NKX3-2: variants seen among roughly 807,000 people sequenced by gnomAD.
NKX3-2 encodes homeobox protein Nkx-3.2.
NKX3-2 carries 13 observed loss-of-function variants against 19.4 expected under a neutral mutation model. The ratio of observed to expected loss-of-function variants is 0.67; its 90% CI spans 0.44 to 1.07. NKX3-2 has a LOEUF of 1.07. Among genes scored for constraint, NKX3-2 ranks in the 50% least tolerant of loss-of-function variants. The pLI is 0.00. For missense variants in NKX3-2, 562 were observed against 488.2 expected (o/e 1.15, Z -1.42); for synonymous variants, 269 against 230.5 (o/e 1.17, Z -1.51).
chr4:13,545,944 G>C (rs1718123338), upstream of NKX3-2: 1 of 152,080 alleles, frequency 6.6e-6, no homozygotes, highest in Admixed American at 6.6e-5. Flanking sequence ...CAAATATTGT[G>C]GGTATATAAA....
At position 13,541,861 on chromosome 4, in the gene NKX3-2, G is replaced by GGGAGCT; in HGVS notation, c.*126_*131dup. 1 of 1,378,808 alleles carries GGGAGCT rather than the reference G, an allele frequency of 7.3e-7. No homozygotes were observed. Among genetic ancestry groups the GGGAGCT allele is most frequent in the Admixed American group, 2.2e-5 (1 of 44,614 alleles). 85.4% of individuals were successfully genotyped at this position (1,378,808 alleles called of 1,614,324 possible). A position where few individuals can be genotyped will look rare whatever the true frequency, so the allele number is the denominator to read the frequency against. On this transcript the variant is annotated 3_prime_UTR_variant, in exon 2 of 2. Coordinates refer to ENST00000382438, the MANE Select transcript of NKX3-2 (RefSeq NM_001189.4). Reference sequence around the variant, plus strand: ...TGCCAGGGGACAAGTCCTGGCTAACGGGAGCTGGAGCTGGGTTTCACCTCC... The same window carrying GGGAGCT: ...TGCCAGGGGACAAGTCCTGGCTAACGGGAGCTGGAGCTGGAGCTGGGTTTCACCTCC...
Position 13,543,784 on chromosome 4 carries a change from C to T in NKX3-2, c.466+165G>A, listed in dbSNP as rs1718047354. Among the ~76,000 whole-genome samples the T allele has an allele frequency of 6.6e-6, 1 of 152,226 alleles. No individual in the cohort carries two copies. On this transcript the variant is annotated intron_variant, in intron 1 of 1. Coordinates refer to ENST00000382438, the MANE Select transcript of NKX3-2 (RefSeq NM_001189.4). The surrounding 1 kb of genome is among the most constrained non-coding windows in gnomAD (Gnocchi z 7.1). ...ACTCCGGTCTCTCGCGGGCTCAGTTCCCGAAGTGATAGAGCAGCTCGCGCC... is the reference window on the plus strand; with the variant it reads ...ACTCCGGTCTCTCGCGGGCTCAGTTTCCGAAGTGATAGAGCAGCTCGCGCC...
chr4:13,542,591 G>A lies in NKX3-2; in HGVS notation c.467-63C>T. On this transcript the variant is annotated intron_variant, in intron 1 of 1. Coordinates refer to ENST00000382438, the MANE Select transcript of NKX3-2 (RefSeq NM_001189.4). The surrounding 1 kb of genome is among the most constrained non-coding windows in gnomAD (Gnocchi z 6.4). ...AGCGCCACAGACGAGGTGAGGCCGG[G>A]CCTCAACTGCAGGGGTCACGGGAGT... is the stretch of plus-strand genomic sequence containing the variant. The A allele has an allele frequency of 6.3e-7, 1 of 1,579,162 alleles. No individual in the cohort carries two copies. Among genetic ancestry groups the A allele is most frequent in the East Asian group, 2.2e-5 (1 of 44,738 alleles).
chr4:13,542,347 C>A lies in NKX3-2; in HGVS notation c.648G>T (p.Ala216=), dbSNP rs759178220. ...KKRSRAAFSH[A]QVFELERRFN... The stretch of plus-strand genomic sequence containing the variant: ...AGCGGCGCTCCAGCTCGAAGACCTG[C>A]GCGTGGGAGAAAGCGGCCCGCGAGC... Residue 216 remains alanine (A), a synonymous_variant, in exon 2 of 2, where the codon GCG becomes GCT. Coordinates refer to ENST00000382438, the MANE Select transcript of NKX3-2 (RefSeq NM_001189.4). The surrounding 1 kb of genome is among the most constrained non-coding windows in gnomAD (Gnocchi z 6.4). 5.2e-6 allele frequency: 8 copies of A among 1,550,386 alleles called. No homozygotes were observed. The highest frequency in any genetic ancestry group is 7.0e-6 in the Non-Finnish European group (8 of 1,149,688).
At position 13,543,690 on chromosome 4, in the gene NKX3-2, A is replaced by C. The variant is rs1189207245; in HGVS notation, c.466+259T>G. Among the ~76,000 whole-genome samples, 1 of 151,988 alleles carries C rather than the reference A, an allele frequency of 6.6e-6. No individual in the cohort carries two copies. The highest frequency in any genetic ancestry group is 1.5e-5 in the Non-Finnish European group (1 of 68,006). On this transcript the variant is annotated intron_variant, in intron 1 of 1. Coordinates refer to ENST00000382438, the MANE Select transcript of NKX3-2 (RefSeq NM_001189.4). This position sits in a 1 kb window ranked among gnomAD's most constrained non-coding sequence, Gnocchi z 7.1. ...AACGCAAGGGGCAGCGGTTCTCCCA[A>C]CCCAGTCTAATGCACATTGGCCCAG...
At chr4:13,546,894 C>T (rs1020923476), upstream of NKX3-2, 1 of 456,014 alleles carries the variant, frequency 2.2e-6, no homozygotes. Flanking sequence ...TGTGGTTTGG[C>T]GACTTTGAGT....
Position 13,543,948 on chromosome 4 carries a change from C to A in NKX3-2, c.466+1G>T. On this transcript the variant is annotated splice_donor_variant, in intron 1 of 1. Coordinates refer to ENST00000382438, the MANE Select transcript of NKX3-2 (RefSeq NM_001189.4). LOFTEE classifies it high-confidence loss of function. The surrounding 1 kb of genome is among the most constrained non-coding windows in gnomAD (Gnocchi z 7.1). ...CCCATCCCCGCGAAGCCGCAGCAGA[C>A]CTGAGACGCTGGCGGACATCTCGCT... 6.5e-7 allele frequency: 1 copy of A among 1,543,744 alleles called. No individual in the cohort carries two copies. The highest frequency in any genetic ancestry group is 8.7e-7 in the Non-Finnish European group (1 of 1,146,600).
At position 13,542,589 on chromosome 4, in the gene NKX3-2, G is replaced by A. The variant is rs530552205; in HGVS notation, c.467-61C>T. ...TCAGCGCCACAGACGAGGTGAGGCC[G>A]GGCCTCAACTGCAGGGGTCACGGGA... On this transcript the variant is annotated intron_variant, in intron 1 of 1. Transcript: ENST00000382438. The surrounding 1 kb of genome is among the most constrained non-coding windows in gnomAD (Gnocchi z 6.4). The A allele has an allele frequency of 2.5e-5, 40 of 1,569,436 alleles. No homozygotes were observed. In the East Asian group the frequency reaches 5.1e-4, roughly 20 times the overall value.
upstream of NKX3-2, chr4:13,544,545 C>A: frequency 2.1e-6 from 1 of 477,530 alleles, no homozygotes. Flanking sequence ...CCCACTGCTG[C>A]GCGGCCCAGC....
chr4:13,547,149 CTG>C, upstream of NKX3-2: 2 of 456,346 alleles, frequency 4.4e-6, no homozygotes, highest in Non-Finnish European at 8.8e-6. Flanking sequence ...GATGAAAAGA[CTG>C]TGGGGAAGGG....
Position 13,544,307 on chromosome 4 carries a change from G to T in NKX3-2, c.108C>A (p.Pro36=), listed in dbSNP as rs200291862. 1.0e-5 allele frequency: 16 copies of T among 1,530,176 alleles called. No individual in the cohort carries two copies. The highest frequency in any genetic ancestry group is 1.4e-5 in the Non-Finnish European group (16 of 1,146,268). The allele number at this position is 1,530,176 out of a possible 1,614,324, so 94.8% of individuals were successfully genotyped here. A position where few individuals can be genotyped will look rare whatever the true frequency, so the allele number is the denominator to read the frequency against. Residue 36 remains proline, a synonymous_variant, in exon 1 of 2, where the codon CCC becomes CCA. Coordinates refer to ENST00000382438, the MANE Select transcript of NKX3-2 (RefSeq NM_001189.4). The part of the protein sequence containing the change: ...GLAAPEGRPA[P]GGTAASVAAA... ...CGGCCACCGATGCCGCTGTGCCCCCGGGCGCCGGGCGCCCCTCTGGCGCGG... is the reference window on the plus strand; with the variant it reads ...CGGCCACCGATGCCGCTGTGCCCCCTGGCGCCGGGCGCCCCTCTGGCGCGG...
At chr4:13,545,426 AT>A (rs888282914), upstream of NKX3-2, among the ~76,000 whole-genome samples, 7 of 152,256 alleles carry the variant, frequency 4.6e-5, no homozygotes, top group African/African-American at 1.7e-4. Flanking sequence ...TCTAGGAAGG[AT>A]TATAAACACG....
chr4:13,542,057 T>TTA lies in NKX3-2; in HGVS notation c.937_938insTA (p.Tyr313LeufsTer42). ...CCAGCCTGGGAGGCAGTAGTACGGG[T>TTA]AATAGTAGGAGGGCTGCAGTGGCAG... is the stretch of plus-strand genomic sequence containing the variant. On this transcript the variant is annotated frameshift_variant, in exon 2 of 2. Transcript: ENST00000382438. LOFTEE classifies it high-confidence loss of function. The surrounding 1 kb of genome is among the most constrained non-coding windows in gnomAD (Gnocchi z 6.4). 6.2e-7 allele frequency: 1 copy of TTA among 1,606,272 alleles called. No individual in the cohort carries two copies. Among genetic ancestry groups the TTA allele is most frequent in the Non-Finnish European group, 8.5e-7 (1 of 1,176,420 alleles).
At position 13,542,381 on chromosome 4, in the gene NKX3-2, C is replaced by T; in HGVS notation, c.614G>A (p.Arg205His). 2.0e-6 allele frequency: 3 copies of T among 1,513,328 alleles called. No homozygotes were observed. Among genetic ancestry groups the T allele is most frequent in the Non-Finnish European group, 2.6e-6 (3 of 1,136,210 alleles). The allele number at this position is 1,513,328 out of a possible 1,614,324, so 93.7% of individuals were successfully genotyped here. The change falls in exon 2 of 2, where the codon CGC becomes CAC. Residue 205 changes from arginine (R) to histidine (H), a missense_variant. Physicochemically the swap from Arg to His is conservative, Grantham distance 29. Coordinates refer to ENST00000382438, the MANE Select transcript of NKX3-2 (RefSeq NM_001189.4). The surrounding 1 kb of genome is among the most constrained non-coding windows in gnomAD (Gnocchi z 6.4). ...GAAAGCGGCCCGCGAGCGCTTCTTGCGTGGCTTGGGCGCCGCCGGCTCCTC... is the reference window on the plus strand; with the variant it reads ...GAAAGCGGCCCGCGAGCGCTTCTTGTGTGGCTTGGGCGCCGCCGGCTCCTC... ...EEEEPAAPKP[R>H]KKRSRAAFSH...
At position 13,541,999 on chromosome 4, in the gene NKX3-2, G is replaced by A; in HGVS notation, c.996C>T (p.Thr332=). ...TGCCTCAGCCCAAGCGGGTTCACTGGGTGCCTGCGGCAGCTGCGCAGGTGG... is the reference window on the plus strand; with the variant it reads ...TGCCTCAGCCCAAGCGGGTTCACTGAGTGCCTGCGGCAGCTGCGCAGGTGG... The part of the protein sequence containing the change: ...ALSTCAAAAG[T]Q Residue 332 remains threonine (T), a synonymous_variant, in exon 2 of 2, where the codon ACC becomes ACT. Transcript: ENST00000382438. The A allele has an allele frequency of 6.3e-7, 1 of 1,585,578 alleles. No homozygotes were observed. The highest frequency in any genetic ancestry group is 2.3e-5 in the East Asian group (1 of 42,702).
chr4:13,547,459 G>T (rs1169710908), upstream of NKX3-2: 1 of 296,364 alleles, frequency 3.4e-6, no homozygotes, highest in African/African-American at 2.4e-5. Context: ...CTTTCGAGAG[G>T]CACCGGGCTC....
chr4:13,547,475 G>C, upstream of NKX3-2: 1 of 280,508 alleles, frequency 3.6e-6, no homozygotes, highest in Admixed American at 5.3e-5. Context: ...GGCTCGCTCA[G>C]CGTCCGCGCC....
Position 13,542,300 on chromosome 4 carries a change from G to C in NKX3-2, c.695C>G (p.Ser232Cys), listed in dbSNP as rs1363509301. The change falls in exon 2 of 2, where the codon TCC becomes TGC. Residue 232 changes from serine (S) to cysteine (C), a missense_variant. Transcript: ENST00000382438. This position sits in a 1 kb window ranked among gnomAD's most constrained non-coding sequence, Gnocchi z 6.4. ...GGCCAGGTCTGCGCGCTCGGGCCCGGACAGGTAGCGCTGGTGGTTAAAGCG... is the reference window on the plus strand; with the variant it reads ...GGCCAGGTCTGCGCGCTCGGGCCCGCACAGGTAGCGCTGGTGGTTAAAGCG... ...ERRFNHQRYLSGPERADLAAS... is the reference protein window; with the variant it reads ...ERRFNHQRYLCGPERADLAAS... The C allele has an allele frequency of 6.2e-7, 1 of 1,606,026 alleles. No individual in the cohort carries two copies. Among genetic ancestry groups the C allele is most frequent in the East Asian group, 2.2e-5 (1 of 44,694 alleles).
upstream of NKX3-2, chr4:13,546,472 G>T (rs1321934832): frequency 5.3e-6 from 1 of 188,746 alleles, no homozygotes; most frequent in African/African-American, 2.3e-5. Flanking sequence ...CAAAAACAGT[G>T]TGTCCTCTCC....
Sources: allele counts gnomAD v4.1 joint callset (sites outside exome capture counted in the v4.1 genomes callset), GRCh38; gene constraint gnomAD v4.1.1; non-coding constraint Gnocchi (gnomAD v3.1); transcripts MANE v1.5; gene names NCBI Gene and HGNC (gene_info 2026-07-23, HGNC 2026-07-21).